PARP4: variants seen among roughly 807,000 people sequenced by gnomAD.
The protein encoded by PARP4 is poly(ADP-ribose) polymerase family member 4, also known as protein mono-ADP-ribosyltransferase PARP4.
A neutral mutation model predicts 187.7 loss-of-function variants in PARP4; 120 were observed. The observed-to-expected ratio is 0.64, with a 90% CI of 0.55 to 0.74. The LOEUF (loss-of-function observed/expected upper bound fraction) is 0.74, where lower values mean the gene tolerates loss of function less well. Ranked by LOEUF, PARP4 falls within the 30% of genes least tolerant of loss-of-function variation. The probability of loss-of-function intolerance (pLI) is 0.00; values close to 1 mark genes in which losing one functional copy is unlikely to be tolerated. For missense variants in PARP4, 1,836 were observed against 2,070.5 expected, an observed-to-expected ratio of 0.89 and a Z score of 2.20; for synonymous variants, 654 against 740.9, an observed-to-expected ratio of 0.88 and a Z score of 1.90.
At chr13:24,429,935 T>C (rs1418106819) in intron 32 of PARP4, among the ~76,000 whole-genome samples, 1 of 152,252 alleles carries the variant, frequency 6.6e-6, no homozygotes, top group Non-Finnish European at 1.5e-5. Flanking sequence ...CATCCCATTG[T>C]GTCTCATGAG....
rs760483673 is a variant in PARP4, at chr13:24,493,599, G to C, written c.876C>G (p.Asn292Lys). Reference protein sequence around the residue: ...LLKPVNRISLNDVSKAEGILL... With the variant: ...LLKPVNRISLKDVSKAEGILL... The stretch of plus-strand genomic sequence containing the variant: ...TTTCAGCGACACACCAACTTACATC[G>C]TTGAGGCTAATCCTGTTCACTGGCT... Residue 292 changes from asparagine (N) to lysine (K), a missense_variant, in exon 8 of 34, where the codon AAC (asparagine) becomes AAG (lysine). Physicochemically the swap from Asn to Lys is moderately conservative, Grantham distance 94. Transcript: ENST00000381989. The C allele has an allele frequency of 6.3e-7, 1 of 1,599,770 alleles. No homozygotes were observed. The highest frequency in any genetic ancestry group is 8.5e-7 in the Non-Finnish European group (1 of 1,176,618).
rs567046721 is a variant in PARP4 at position 24,478,204 on chromosome 13, G to C, written c.1521C>G (p.Leu507=). Residue 507 remains leucine, a synonymous_variant, in exon 13 of 34, where the codon CTC becomes CTG. Transcript: ENST00000381989. The part of the protein sequence containing the change: ...TRLLLICDVA[L]GKCMDLHEKD... Reference sequence around the variant, plus strand: ...TCTCATGTAAGTCCATACACTTTCCGAGGGCTACGTCACAAATGAGCAGGA... The same window carrying C: ...TCTCATGTAAGTCCATACACTTTCCCAGGGCTACGTCACAAATGAGCAGGA... The C allele has an allele frequency of 6.2e-7, 1 of 1,613,654 alleles. No individual in the cohort carries two copies.
intron 1 of PARP4, among the ~76,000 whole-genome samples, chr13:24,510,581 A>G (rs9581097): frequency 0.014 from 2,077 of 147,198 alleles, 57 homozygotes; most frequent in African/African-American, 0.048. Flanking sequence ...AGTGTTCACT[A>G]TTAGAAATAC....
At chr13:24,469,811 G>A (rs1566006324) in intron 16 of PARP4, 83 bp downstream of exon 16, 2 of 1,434,814 alleles carry the variant, frequency 1.4e-6, no homozygotes, top group Non-Finnish European at 1.9e-6. Context: ...TTGTAGCCAT[G>A]GGGACTCCAA....
chr13:24,500,790 T>C (rs951391510), intron 3 of PARP4, among the ~76,000 whole-genome samples: 1 of 152,238 alleles, frequency 6.6e-6, no homozygotes, highest in Admixed American at 6.5e-5. Flanking sequence ...TTTTGCTTCA[T>C]ACTTTCTGTA....
chr13:24,431,445 C>G lies in PARP4; in HGVS notation c.4778G>C (p.Gly1593Ala). Reference protein sequence around the residue: ...DGFWKLTPELGLILNLNTNGL... With the variant: ...DGFWKLTPELALILNLNTNGL... The stretch of plus-strand genomic sequence containing the variant: ...ATTTGTATTAAGATTTAATATAAGT[C>G]CCAGTTCTGGTGTAAGTTTCCAGAA... The change falls in exon 32 of 34, where the codon GGA becomes GCA. Residue 1593 changes from glycine (G) to alanine (A), a missense_variant. Gly to Ala is a moderately conservative substitution (Grantham distance 60, BLOSUM62 0). Transcript: ENST00000381989. 6.3e-7 allele frequency: 1 copy of G among 1,595,706 alleles called. No individual in the cohort carries two copies. Among genetic ancestry groups the G allele is most frequent in the Non-Finnish European group, 8.5e-7 (1 of 1,173,652 alleles).
intron 15 of PARP4, among the ~76,000 whole-genome samples, chr13:24,471,381 A>C (rs1167948037): frequency 6.6e-6 from 1 of 152,176 alleles, no homozygotes. Context: ...CTCTCTTTGC[A>C]TATCACACTG....
intron 31 of PARP4, among the ~76,000 whole-genome samples, chr13:24,431,678 A>T (rs1870344357): frequency 6.6e-6 from 1 of 152,250 alleles, no homozygotes; most frequent in African/African-American, 2.4e-5. Context: ...CATCTAAAAT[A>T]AAACTTTAAC....
At chr13:24,486,763 G>A (rs540104331) in intron 10 of PARP4, among the ~76,000 whole-genome samples, 17 of 152,160 alleles carry the variant, frequency 1.1e-4, no homozygotes, top group African/African-American at 4.1e-4. Flanking sequence ...ACCAGCCTGG[G>A]CAACATGGTG....
At chr13:24,451,643 C>G (rs866112030) in intron 24 of PARP4, among the ~76,000 whole-genome samples, 23,752 of 152,056 alleles carry the variant, frequency 0.16, 2,427 homozygotes, top group African/African-American at 0.28. Context: ...GCACTGCCAC[C>G]AGATAGCTGG....
chr13:24,502,966 G>C (rs1213217284), intron 2 of PARP4, among the ~76,000 whole-genome samples: 1 of 152,190 alleles, frequency 6.6e-6, no homozygotes, highest in African/African-American at 2.4e-5. Context: ...TCATCAATTC[G>C]TCAACAGAGG....
chr13:24,421,458 G>A (rs943578015), intron 33 of PARP4, 144 bp from the exon 34 acceptor site: 70 of 1,079,042 alleles, frequency 6.5e-5, no homozygotes, highest in African/African-American at 1.8e-4. Context: ...GGCATCTTAC[G>A]GAAGTTCTTC....
At chr13:24,491,329 C>T (rs1490974949) in intron 9 of PARP4, among the ~76,000 whole-genome samples, 2 of 152,148 alleles carry the variant, frequency 1.3e-5, no homozygotes, top group African/African-American at 4.8e-5. Flanking sequence ...ACCATGTTGG[C>T]CAGGCTGGTC....
Position 24,472,918 on chromosome 13 carries a change from C to T in PARP4, c.1914+2554G>A, listed in dbSNP as rs1872790953. ...TTTTTTTTTTTTTTTTTTTTTGAGA[C>T]AGGGTCTCACTCTATCACCCAGGTT... On this transcript the variant is annotated intron_variant, in intron 15 of 33. Transcript: ENST00000381989. Among the ~76,000 whole-genome samples the T allele has an allele frequency of 3.3e-5, 4 of 121,568 alleles. No individual in the cohort carries two copies. In the South Asian group the frequency reaches 1.2e-3, roughly 35 times the overall value. 79.8% of individuals were successfully genotyped at this position (121,568 alleles called of 152,430 possible). A position where few individuals can be genotyped will look rare whatever the true frequency, so the allele number is the denominator to read the frequency against.
intron 30 of PARP4, among the ~76,000 whole-genome samples, chr13:24,440,940 T>C (rs549293781): frequency 4.4e-4 from 67 of 152,322 alleles, no homozygotes; most frequent in African/African-American, 1.4e-3. Flanking sequence ...GGGTGCCATT[T>C]TGGCTCACTG....
chr13:24,501,934 G>T, intron 2 of PARP4, 100 bp from the exon 3 acceptor site: 1 of 727,608 alleles, frequency 1.4e-6, no homozygotes, highest in Non-Finnish European at 2.3e-6. Flanking sequence ...TATTAAGGTA[G>T]TTTGTGATAA....
At chr13:24,463,460 T>A (rs1440797470) in intron 17 of PARP4, among the ~76,000 whole-genome samples, 2 of 152,166 alleles carry the variant, frequency 1.3e-5, no homozygotes, top group African/African-American at 4.8e-5. Context: ...GGTAAAAATG[T>A]GAATAAATGT....
chr13:24,493,535 T>C, intron 8 of PARP4, 61 bp downstream of exon 8: 1 of 1,541,602 alleles, frequency 6.5e-7, no homozygotes, highest in Middle Eastern at 1.7e-4. Flanking sequence ...GTGTTATTGC[T>C]GAAGCCAATC....
intron 6 of PARP4, among the ~76,000 whole-genome samples, chr13:24,496,034 C>T (rs886207918): frequency 6.8e-6 from 1 of 146,722 alleles, no homozygotes; most frequent in African/African-American, 2.5e-5. Flanking sequence ...TCCTGGCCTA[C>T]ACGATGCTAC....
Sources: allele counts gnomAD v4.1 joint callset (sites outside exome capture counted in the v4.1 genomes callset), GRCh38; gene constraint gnomAD v4.1.1; transcripts MANE v1.5; gene names NCBI Gene and HGNC (gene_info 2026-07-23, HGNC 2026-07-21).